ISLR2: variants seen among roughly 807,000 people sequenced by gnomAD.
ISLR2 encodes the protein immunoglobulin superfamily containing leucine rich repeat 2.
A neutral mutation model predicts 25.5 loss-of-function variants in ISLR2; 16 were observed. The ratio of observed to expected loss-of-function variants is 0.63; its 90% CI spans 0.43 to 0.95. The LOEUF (loss-of-function observed/expected upper bound fraction) is 0.95. Among genes scored for constraint, ISLR2 ranks in the 40% least tolerant of loss-of-function variants. The pLI is 0.00. For synonymous variants in ISLR2, 508 were observed against 486.6 expected (o/e 1.04, Z -0.58); for missense variants, 883 against 1,030.7 (o/e 0.86, Z 1.96).
chr15:74,124,904 C>A (rs2072281321), upstream of ISLR2, among the ~76,000 whole-genome samples: 2 of 152,244 alleles, frequency 1.3e-5, no homozygotes, highest in South Asian at 4.1e-4. Context: ...AAAGAACTTG[C>A]AACTGCTGAT....
chr15:74,141,227 T>A (rs910532326), downstream of ISLR2, among the ~76,000 whole-genome samples: 1 of 152,240 alleles, frequency 6.6e-6, no homozygotes, highest in African/African-American at 2.4e-5. Flanking sequence ...GAAAAAGTGT[T>A]TGTATTTTTA....
chr15:74,123,419 C>T (rs1387356071), upstream of ISLR2, among the ~76,000 whole-genome samples: 1 of 152,204 alleles, frequency 6.6e-6, no homozygotes, highest in African/African-American at 2.4e-5. Context: ...TCTAAGGCCA[C>T]AGCACCCAAG....
upstream of ISLR2, chr15:74,129,180 C>A: frequency 2.6e-6 from 1 of 388,404 alleles, no homozygotes; most frequent in Non-Finnish European, 5.1e-6. This position sits in a 1 kb window ranked among gnomAD's most constrained non-coding sequence, Gnocchi z 4.5. Flanking sequence ...ATGGTCTCAG[C>A]CCGCTGGGCC....
At chr15:74,110,880 A>G (rs2072160356) in intron 2 of ISLR2, among the ~76,000 whole-genome samples, 1 of 152,180 alleles carries the variant, frequency 6.6e-6, no homozygotes, top group Non-Finnish European at 1.5e-5. Context: ...AATCACTTGA[A>G]TCCAGGAGGC....
At chr15:74,122,882 C>T (rs1398183921) in intron 2 of ISLR2, among the ~76,000 whole-genome samples, 1 of 152,048 alleles carries the variant, frequency 6.6e-6, no homozygotes. Context: ...CTGGGCCAGC[C>T]CTCCTGCGGT....
At chr15:74,113,869 C>T (rs1180422393) in intron 2 of ISLR2, among the ~76,000 whole-genome samples, 3 of 152,210 alleles carry the variant, frequency 2.0e-5, no homozygotes, top group Non-Finnish European at 2.9e-5. Context: ...TAGCTCTCAG[C>T]TCCCCATCAG....
At chr15:74,117,630 CTA>C (rs766084512) in intron 2 of ISLR2, among the ~76,000 whole-genome samples, 15 of 152,130 alleles carry the variant, frequency 9.9e-5, no homozygotes, top group Non-Finnish European at 1.9e-4. Context: ...CTGCAGAAAG[CTA>C]TGATTGTGCC....
At chr15:74,125,823 T>C (rs1278911354), upstream of ISLR2, 2 of 152,258 alleles carry the variant, frequency 1.3e-5, no homozygotes, top group African/African-American at 4.8e-5. Context: ...AGGTTGCTAC[T>C]TTCCTCTGAA....
chr15:74,102,293 T>G (rs868596544), intron 1 of ISLR2, among the ~76,000 whole-genome samples: 2,121 of 117,746 alleles, frequency 0.018, 61 homozygotes, highest in African/African-American at 0.067. Context: ...TGGATAGTTT[T>G]GGGACCATTT....
intron 2 of ISLR2, among the ~76,000 whole-genome samples, chr15:74,106,727 A>G (rs185994606): frequency 0.016 from 2,400 of 152,088 alleles, 79 homozygotes; most frequent in African/African-American, 0.056. Context: ...CTGCACTGCC[A>G]TATCCAAGGC....
At chr15:74,125,702 A>C (rs1261795066), upstream of ISLR2, among the ~76,000 whole-genome samples, 3 of 152,222 alleles carry the variant, frequency 2.0e-5, no homozygotes, top group Non-Finnish European at 4.4e-5. Context: ...AGCTAATTTC[A>C]TGAAAATGCT....
chr15:74,129,080 C>A (rs1252640393), upstream of ISLR2: 3 of 456,548 alleles, frequency 6.6e-6, no homozygotes, highest in Non-Finnish European at 1.3e-5. The surrounding 1 kb of genome is among the most constrained non-coding windows in gnomAD (Gnocchi z 4.5). Context: ...AGGCGCCTTG[C>A]GCCCTCCCCA....
Position 74,132,808 on chromosome 15 carries a change from A to C in ISLR2, c.54A>C (p.Gly18=), listed in dbSNP as rs754601896. ...TCTGGGCGCTTCTAGGAGTGGCCGG[A>C]TCATGCCCGGAGCCGTGCGCCTGCG... ...WLVWALLGVA[G]SCPEPCACVD... The change falls in exon 3 of 3, where the codon GGA becomes GGC. Residue 18 remains glycine, a synonymous_variant. Coordinates refer to ENST00000453268, the MANE Select transcript of ISLR2 (RefSeq NM_020851.3). The surrounding 1 kb of genome is among the most constrained non-coding windows in gnomAD (Gnocchi z 4.3). The C allele has an allele frequency of 6.2e-7, 1 of 1,614,042 alleles. No individual in the cohort carries two copies. The highest frequency in any genetic ancestry group is 8.5e-7 in the Non-Finnish European group (1 of 1,179,940).
intron 2 of ISLR2, among the ~76,000 whole-genome samples, chr15:74,106,461 T>C (rs2072120170): frequency 6.6e-6 from 1 of 152,042 alleles, no homozygotes; most frequent in Admixed American, 6.5e-5. Context: ...CTGCTCATGC[T>C]CTCCAGCCCA....
At chr15:74,121,314 G>T (rs763278612) in intron 2 of ISLR2, among the ~76,000 whole-genome samples, 5 of 152,154 alleles carry the variant, frequency 3.3e-5, no homozygotes, top group Admixed American at 3.3e-4. Flanking sequence ...AGATAAGGAC[G>T]CAGGAAGATG....
chr15:74,137,490 C>G (rs1240521422), downstream of ISLR2, among the ~76,000 whole-genome samples: 1 of 152,012 alleles, frequency 6.6e-6, no homozygotes. Context: ...AGGGGGTGCA[C>G]CTGGGGAATC....
chr15:74,107,217 G>T (rs2072127785), intron 2 of ISLR2, among the ~76,000 whole-genome samples: 2 of 152,188 alleles, frequency 1.3e-5, no homozygotes, highest in Non-Finnish European at 2.9e-5. Context: ...TGCTCCACCT[G>T]CTGTCCACCA....
intron 2 of ISLR2, among the ~76,000 whole-genome samples, chr15:74,122,028 C>T (rs760630973): frequency 2.2e-4 from 34 of 152,214 alleles, no homozygotes; most frequent in Non-Finnish European, 3.7e-4. Context: ...GTCCCATCCA[C>T]CCCAGAGACA....
At chr15:74,110,801 A>G (rs1287141864) in intron 2 of ISLR2, among the ~76,000 whole-genome samples, 1 of 152,164 alleles carries the variant, frequency 6.6e-6, no homozygotes, top group Non-Finnish European at 1.5e-5. Flanking sequence ...TACTAAAAAT[A>G]CAAAAAAATT....
Sources: gnomAD v4.1 joint callset for allele counts (sites outside exome capture counted in the v4.1 genomes callset) on GRCh38, gnomAD v4.1.1 for gene constraint, Gnocchi (gnomAD v3.1) non-coding constraint, MANE v1.5 for transcripts, NCBI Gene and HGNC (gene_info 2026-07-23, HGNC 2026-07-21) for gene names.